The following TMEM47 variants were observed in gnomAD, a reference collection of about 807,000 sequenced individuals.
TMEM47 encodes the protein transmembrane protein 47.
Under a neutral mutation model 12.4 loss-of-function variants are expected in TMEM47, and 3 were observed. The ratio of observed to expected loss-of-function variants is 0.24; its 90% CI spans 0.11 to 0.63. TMEM47 has a LOEUF of 0.63. Ranked by LOEUF, TMEM47 falls within the 20% of genes least tolerant of loss-of-function variation. The pLI is 0.86. For synonymous variants in TMEM47, 62 were observed against 63.3 expected, an observed-to-expected ratio of 0.98 and a Z score of 0.10; for missense variants, 89 against 143.8, an observed-to-expected ratio of 0.62 and a Z score of 1.95.
intron 2 of TMEM47, among the ~76,000 whole-genome samples, chrX:34,631,272 A>T (rs1360520678): frequency 3.7e-5 from 4 of 109,378 alleles, no homozygotes. Flanking sequence ...AGGAAATTCA[A>T]ATTAATTTCT....
intron 1 of TMEM47, among the ~76,000 whole-genome samples, chrX:34,654,617 A>G (rs750597714): frequency 9.0e-6 from 1 of 111,720 alleles, no homozygotes; most frequent in Non-Finnish European, 1.9e-5. Context: ...GGGGACACAG[A>G]GCAATTTTCC....
chrX:34,652,105 G>A (rs543941961), intron 1 of TMEM47, among the ~76,000 whole-genome samples: 1 of 112,328 alleles, frequency 8.9e-6, no homozygotes, highest in East Asian at 2.8e-4. Flanking sequence ...GTTCAGGTCA[G>A]TTAGAATCCA....
chrX:34,642,145 C>T lies in TMEM47; in HGVS notation c.227-2758G>A, dbSNP rs367798698. 2.7e-5 allele frequency among the ~76,000 whole-genome samples: 3 copies of T among 112,804 alleles called. No homozygotes were observed. In the East Asian group the frequency reaches 8.4e-4, roughly 32 times the overall value. On this transcript the variant is annotated intron_variant, in intron 1 of 2. Coordinates refer to ENST00000275954, the MANE Select transcript of TMEM47 (RefSeq NM_031442.4). ...GTGCTGGGATTACAGGCGTGAGCCA[C>T]TGCACCCAGCCCCAATAAAACTTAA...
At chrX:34,644,684 A>G (rs969086423) in intron 1 of TMEM47, among the ~76,000 whole-genome samples, 1 of 111,971 alleles carries the variant, frequency 8.9e-6, no homozygotes, top group Non-Finnish European at 1.9e-5. Flanking sequence ...TTAGAAAATT[A>G]GATATAATTA....
intron 1 of TMEM47, among the ~76,000 whole-genome samples, chrX:34,640,933 G>A (rs1017302389): frequency 9.0e-6 from 1 of 111,068 alleles, no homozygotes; most frequent in Admixed American, 9.6e-5. Context: ...AAAATATAAA[G>A]ATGAGTCACA....
intron 1 of TMEM47, 86 bp downstream of exon 1, chrX:34,656,718 G>T (rs886980449): frequency 9.8e-6 from 11 of 1,120,339 alleles, no homozygotes; most frequent in Non-Finnish European, 1.2e-5. Flanking sequence ...ATGCGGGGAC[G>T]TGGGGACAGG....
chrX:34,654,022 G>A (rs1427473844), intron 1 of TMEM47, among the ~76,000 whole-genome samples: 3 of 111,726 alleles, frequency 2.7e-5, no homozygotes, highest in Admixed American at 9.5e-5. Context: ...CCGGATTAGT[G>A]GTTCGTACTA....
At chrX:34,649,186 C>G (rs1385490206) in intron 1 of TMEM47, among the ~76,000 whole-genome samples, 1 of 111,883 alleles carries the variant, frequency 8.9e-6, no homozygotes, top group African/African-American at 3.2e-5. Flanking sequence ...TTCAACCCAG[C>G]AATCCCATTA....
Position 34,630,714 on chromosome X carries a change from A to G in TMEM47, c.368-223T>C, listed in dbSNP as rs767266648. 1.6e-4 allele frequency among the ~76,000 whole-genome samples: 18 copies of G among 110,637 alleles called. No individual in the cohort carries two copies. The East Asian group carries it at 4.8e-3, about 29-fold the overall frequency. On this transcript the variant is annotated intron_variant, in intron 2 of 2. Transcript: ENST00000275954. Reference sequence around the variant, plus strand: ...TAAGAATTATCCTATTAATTAGTAAATCATTATTAGTATAGATAAAATAAT... The same window carrying G: ...TAAGAATTATCCTATTAATTAGTAAGTCATTATTAGTATAGATAAAATAAT...
In TMEM47 at chrX:34,657,099, G is replaced by A. The variant is rs767618955; in HGVS notation, c.-70C>T. On this transcript the variant is annotated 5_prime_UTR_variant, in exon 1 of 3. Coordinates refer to ENST00000275954, the MANE Select transcript of TMEM47 (RefSeq NM_031442.4). ...AGGCGGGTCCGGAGAGCCGGGAGCCGGACCTCCCGAAGGGAGAAGCCGCCG... is the reference window on the plus strand; with the variant it reads ...AGGCGGGTCCGGAGAGCCGGGAGCCAGACCTCCCGAAGGGAGAAGCCGCCG... The A allele has an allele frequency of 2.8e-6, 3 of 1,076,872 alleles. No homozygotes were observed. The highest frequency in any genetic ancestry group is 1.9e-5 in the African/African-American group (1 of 51,633). The allele number at this position is 1,076,872 out of a possible 1,213,427, so 88.7% of individuals were successfully genotyped here. A position where few individuals can be genotyped will look rare whatever the true frequency, so the allele number is the denominator to read the frequency against.
intron 1 of TMEM47, among the ~76,000 whole-genome samples, chrX:34,640,636 A>G (rs1921798841): frequency 1.8e-5 from 2 of 112,119 alleles, no homozygotes; most frequent in South Asian, 3.7e-4. Context: ...AATGGATTCT[A>G]TCCTAAGTCC....
At position 34,627,591 on chromosome X, in the gene TMEM47, T is replaced by C. The variant is rs1329780237; in HGVS notation, c.*2722A>G. On this transcript the variant is annotated 3_prime_UTR_variant, in exon 3 of 3. Coordinates refer to ENST00000275954, the MANE Select transcript of TMEM47 (RefSeq NM_031442.4). ...TATTTATGTCTTTAAAATTTACATG[T>C]TGAACTTACAAAAAGCTAAATAATT... 8.9e-6 allele frequency: 1 copy of C among 112,354 alleles called. No individual in the cohort carries two copies. The highest frequency in any genetic ancestry group is 2.8e-4 in the East Asian group (1 of 3,581). 9.3% of individuals were successfully genotyped at this position (112,354 alleles called of 1,213,427 possible).
intron 1 of TMEM47, among the ~76,000 whole-genome samples, chrX:34,649,536 TG>T (rs778370840): frequency 1.8e-5 from 2 of 110,010 alleles, no homozygotes; most frequent in Non-Finnish European, 3.8e-5. Context: ...TAACAGACAC[TG>T]GGGTCTACTT....
In TMEM47 at chrX:34,627,625, A is replaced by T. The variant is rs760662806; in HGVS notation, c.*2688T>A. The T allele has an allele frequency of 1.8e-5, 2 of 112,251 alleles. No individual in the cohort carries two copies. The highest frequency in any genetic ancestry group is 1.9e-5 in the Non-Finnish European group (1 of 53,096). The allele number at this position is 112,251 out of a possible 1,213,427, so 9.3% of individuals were successfully genotyped here. A position where few individuals can be genotyped will look rare whatever the true frequency, so the allele number is the denominator to read the frequency against. On this transcript the variant is annotated 3_prime_UTR_variant, in exon 3 of 3. Coordinates refer to ENST00000275954, the MANE Select transcript of TMEM47 (RefSeq NM_031442.4). The stretch of plus-strand genomic sequence containing the variant: ...CAAAAAGCTAAATAATTGTGCAAGA[A>T]ATCGGAATAACTAGCCCTGCTGAGT...
At chrX:34,634,520 G>A (rs1921680069) in intron 2 of TMEM47, among the ~76,000 whole-genome samples, 1 of 112,322 alleles carries the variant, frequency 8.9e-6, no homozygotes, top group Non-Finnish European at 1.9e-5. Flanking sequence ...ATAAGACATG[G>A]CCCTCGCCCT....
chrX:34,646,540 G>A (rs1021120044), intron 1 of TMEM47, among the ~76,000 whole-genome samples: 1 of 111,826 alleles, frequency 8.9e-6, no homozygotes, highest in South Asian at 3.7e-4. Context: ...TCTAATCATG[G>A]TATTTCTACA....
rs1922126610 is a variant in TMEM47, at chrX:34,657,086, A to C, written c.-57T>G. On this transcript the variant is annotated 5_prime_UTR_variant, in exon 1 of 3. Transcript: ENST00000275954. The stretch of plus-strand genomic sequence containing the variant: ...AGGCGAGGACGCCAGGCGGGTCCGG[A>C]GAGCCGGGAGCCGGACCTCCCGAAG... 4.6e-6 allele frequency: 5 copies of C among 1,089,889 alleles called. No individual in the cohort carries two copies. In the East Asian group the frequency reaches 1.8e-4, roughly 38 times the overall value. The allele number at this position is 1,089,889 out of a possible 1,213,427, so 89.8% of individuals were successfully genotyped here.
chrX:34,639,870 C>A (rs781456277), intron 1 of TMEM47, among the ~76,000 whole-genome samples: 1 of 111,595 alleles, frequency 9.0e-6, no homozygotes, highest in African/African-American at 3.3e-5. Context: ...ACCTGGGCTA[C>A]TGAGGACATC....
In TMEM47 at chrX:34,656,574, G is replaced by A. The variant is rs1922111603; in HGVS notation, c.226+230C>T. ...AACAGGAGGAATGGCCACGGGGAAGGGAGAGGGCGTGGGCTGTCGCTTTAG... is the reference window on the plus strand; with the variant it reads ...AACAGGAGGAATGGCCACGGGGAAGAGAGAGGGCGTGGGCTGTCGCTTTAG... On this transcript the variant is annotated intron_variant, in intron 1 of 2. Coordinates refer to ENST00000275954, the MANE Select transcript of TMEM47 (RefSeq NM_031442.4). Among the ~76,000 whole-genome samples, 4 of 111,461 alleles carry A rather than the reference G, an allele frequency of 3.6e-5. No individual in the cohort carries two copies. The South Asian group carries it at 1.6e-3, about 44-fold the overall frequency.
Sources: gnomAD v4.1 joint callset for allele counts (sites outside exome capture counted in the v4.1 genomes callset) on GRCh38, gnomAD v4.1.1 for gene constraint, MANE v1.5 for transcripts, NCBI Gene and HGNC (gene_info 2026-07-23, HGNC 2026-07-21) for gene names.